Variants in SMYD5 observed in about 807,000 individuals in gnomAD.
SMYD5 encodes the protein protein-lysine N-trimethyltransferase SMYD5.
In SMYD5, 35 loss-of-function variants were observed where a neutral mutation model predicts 57.4. The ratio of observed to expected loss-of-function variants is 0.61; its 90% CI spans 0.47 to 0.81. The LOEUF (loss-of-function observed/expected upper bound fraction) is 0.81. Among genes scored for constraint, SMYD5 ranks in the 30% least tolerant of loss-of-function variants. The pLI is 0.00. For missense variants in SMYD5, 471 were observed against 527.9 expected (o/e 0.89, Z 1.06); for synonymous variants, 198 against 189.7 (o/e 1.04, Z -0.36).
intron 1 of SMYD5, among the ~76,000 whole-genome samples, chr2:73,217,870 C>G (rs1686318156): frequency 6.6e-6 from 1 of 152,192 alleles, no homozygotes; most frequent in South Asian, 2.1e-4. Context: ...CTGAAGCCAT[C>G]TGCTGAGTCC....
intron 1 of SMYD5, among the ~76,000 whole-genome samples, chr2:73,215,611 G>C (rs1292964744): frequency 6.6e-6 from 1 of 152,204 alleles, no homozygotes; most frequent in Non-Finnish European, 1.5e-5. Flanking sequence ...TTGGTTTGCA[G>C]TGATATTCTT....
Position 73,221,786 on chromosome 2 carries a change from G to A in SMYD5, c.538-40G>A, listed in dbSNP as rs374525287. ...AGTGGGCGGGAGTGCCAGTGAGAAG[G>A]TGGGTATCTGTGACCCTTAAGTATG... On this transcript the variant is annotated intron_variant, in intron 5 of 12. Coordinates refer to ENST00000389501, the MANE Select transcript of SMYD5 (RefSeq NM_006062.3). 7.2e-5 allele frequency: 101 copies of A among 1,396,512 alleles called. No homozygotes were observed. In the Middle Eastern group the frequency reaches 1.4e-3, roughly 20 times the overall value. The allele number at this position is 1,396,512 out of a possible 1,614,324, so 86.5% of individuals were successfully genotyped here. A position where few individuals can be genotyped will look rare whatever the true frequency, so the allele number is the denominator to read the frequency against.
intron 5 of SMYD5, 54 bp downstream of exon 5, chr2:73,221,288 G>A: frequency 6.9e-7 from 1 of 1,451,456 alleles, no homozygotes; most frequent in East Asian, 2.3e-5. Context: ...TTCAACCCTT[G>A]GTCTCAGTCT....
rs531180367 is a variant in SMYD5 at position 73,223,104 on chromosome 2, C to G, written c.774C>G (p.Thr258=). The G allele has an allele frequency of 1.9e-6, 3 of 1,613,496 alleles. No homozygotes were observed. Among genetic ancestry groups the G allele is most frequent in the East Asian group, 4.5e-5 (2 of 44,882 alleles). The change falls in exon 8 of 13, where the codon ACC becomes ACG. Residue 258 remains threonine (T), a splice_region_variant and synonymous_variant. Transcript: ENST00000389501. ...LVGTNGQGIG[T]SSLSQWVHAC... is the part of the protein sequence containing the mutation. The stretch of plus-strand genomic sequence containing the variant: ...GGACCAATGGCCAAGGAATCGGGAC[C>G]AGGTTAGAATGTTCCAGAGCTATTG...
At chr2:73,218,692 C>T (rs576325957) in intron 1 of SMYD5, among the ~76,000 whole-genome samples, 169 bp from the exon 2 acceptor site, 1 of 152,324 alleles carries the variant, frequency 6.6e-6, no homozygotes, top group African/African-American at 2.4e-5. Context: ...GCTGTATTTC[C>T]AGAGGAGAAA....
At chr2:73,225,532 A>C in intron 11 of SMYD5, 99 bp from the exon 12 acceptor site, 32 of 1,119,004 alleles carry the variant, frequency 2.9e-5, no homozygotes, top group Non-Finnish European at 3.3e-5. Context: ...CTTGGCTCCT[A>C]GAGATGGGGC....
chr2:73,223,378 G>A, intron 8 of SMYD5, 48 bp from the exon 9 acceptor site: 2 of 1,295,978 alleles, frequency 1.5e-6, no homozygotes, highest in Non-Finnish European at 2.2e-6. Context: ...AGAGCCCTGT[G>A]ACCTGGGCTT....
rs776045037 is a variant in SMYD5 at position 73,223,107 on chromosome 2, G to A, written c.776+1G>A. 2 of 1,613,238 alleles carry A rather than the reference G, an allele frequency of 1.2e-6. No individual in the cohort carries two copies. Among genetic ancestry groups the A allele is most frequent in the African/African-American group, 1.3e-5 (1 of 75,040 alleles). On this transcript the variant is annotated splice_donor_variant, in intron 8 of 12. Coordinates refer to ENST00000389501, the MANE Select transcript of SMYD5 (RefSeq NM_006062.3). LOFTEE classifies it high-confidence loss of function. ...CCAATGGCCAAGGAATCGGGACCAG[G>A]TTAGAATGTTCCAGAGCTATTGAAG... is the stretch of plus-strand genomic sequence containing the variant.
Position 73,226,655 on chromosome 2 carries a change from G to A in SMYD5, c.*709G>A. On this transcript the variant is annotated 3_prime_UTR_variant, in exon 13 of 13. Transcript: ENST00000389501. The stretch of plus-strand genomic sequence containing the variant: ...GGCTGGCCTTATGGAGTATGGAAAA[G>A]GCCTCTGCCTTCCTCAGGAGGGACA... The A allele has an allele frequency of 6.5e-6, 1 of 152,900 alleles. No homozygotes were observed. Among genetic ancestry groups the A allele is most frequent in the Non-Finnish European group, 1.5e-5 (1 of 68,224 alleles). 9.5% of individuals were successfully genotyped at this position (152,900 alleles called of 1,614,324 possible). A position where few individuals can be genotyped will look rare whatever the true frequency, so the allele number is the denominator to read the frequency against.
intron 1 of SMYD5, 149 bp downstream of exon 1, chr2:73,214,511 T>G (rs981146627): frequency 2.0e-6 from 3 of 1,486,656 alleles, no homozygotes; most frequent in African/African-American, 2.8e-5. Context: ...GCTCCCAGTC[T>G]GTCCCTGCGC....
At chr2:73,215,149 G>C (rs900481889) in intron 1 of SMYD5, among the ~76,000 whole-genome samples, 1 of 152,106 alleles carries the variant, frequency 6.6e-6, no homozygotes, top group Non-Finnish European at 1.5e-5. Flanking sequence ...CTTTATTGTT[G>C]TATGGTATTT....
Position 73,221,927 on chromosome 2 carries a change from C to T in SMYD5, c.639C>T (p.Phe213=). ...EIVHKLLGDK[F]KGQLELLRRL... ...TCCATAAACTTCTGGGAGACAAATT[C>T]AAGGTTATTATTCTCCCGTGGCCTG... The change falls in exon 6 of 13, where the codon TTC becomes TTT. Residue 213 remains phenylalanine, a synonymous_variant. Coordinates refer to ENST00000389501, the MANE Select transcript of SMYD5 (RefSeq NM_006062.3). The T allele has an allele frequency of 6.3e-7, 1 of 1,594,478 alleles. No individual in the cohort carries two copies. The highest frequency in any genetic ancestry group is 8.6e-7 in the Non-Finnish European group (1 of 1,162,114).
rs750328904 is a variant in SMYD5 at position 73,224,927 on chromosome 2, T to C, written c.1002T>C (p.His334=). The change falls in exon 11 of 13, where the codon CAT becomes CAC. Residue 334 remains histidine, a synonymous_variant. Transcript: ENST00000389501. ...TTCCAGAAAACAACTTCCTTTTGCA[T>C]GTCACTGCTCTGGAGGATATTAAGC... The part of the protein sequence containing the change: ...TSFPENNFLL[H]VTALEDIKPG... 28 of 1,613,954 alleles carry C rather than the reference T, an allele frequency of 1.7e-5. No homozygotes were observed. Among genetic ancestry groups the C allele is most frequent in the Non-Finnish European group, 2.4e-5 (28 of 1,179,964 alleles).
In SMYD5 at chr2:73,222,833, G is replaced by A; in HGVS notation, c.705+16G>A. ...AGTCAGCCAGGTGAGTGAGGAGAGGGTGGGACCAGTGGCCTCCTTGTTACT... is the reference window on the plus strand; with the variant it reads ...AGTCAGCCAGGTGAGTGAGGAGAGGATGGGACCAGTGGCCTCCTTGTTACT... On this transcript the variant is annotated intron_variant, in intron 7 of 12. Coordinates refer to ENST00000389501, the MANE Select transcript of SMYD5 (RefSeq NM_006062.3). 1 of 1,611,664 alleles carries A rather than the reference G, an allele frequency of 6.2e-7. No individual in the cohort carries two copies. Among genetic ancestry groups the A allele is most frequent in the Non-Finnish European group, 8.5e-7 (1 of 1,177,878 alleles).
At chr2:73,223,341 T>C in intron 8 of SMYD5, 85 bp from the exon 9 acceptor site, 5 of 983,516 alleles carry the variant, frequency 5.1e-6, no homozygotes, top group Non-Finnish European at 8.1e-6. Flanking sequence ...AGACCCTTCT[T>C]CCTGGGCTTA....
Position 73,223,937 on chromosome 2 carries a change from T to C in SMYD5, c.884-10T>C, listed in dbSNP as rs755834936. On this transcript the variant is annotated splice_polypyrimidine_tract_variant and intron_variant, in intron 9 of 12. Transcript: ENST00000389501. ...GGGTAGAATAATGTGTGTGTATTAC[T>C]GTCTTACAGCAACTGGAGAGTTTCT... The C allele has an allele frequency of 9.9e-6, 16 of 1,613,282 alleles. No individual in the cohort carries two copies. Among genetic ancestry groups the C allele is most frequent in the African/African-American group, 1.3e-5 (1 of 74,930 alleles).
Position 73,226,025 on chromosome 2 carries a change from G to A in SMYD5, c.*79G>A. ...CTTCCCCCAGAGAAGTGGCTTGGAG[G>A]GAACTTCCCACTCCCATTGCCTGCT... On this transcript the variant is annotated 3_prime_UTR_variant, in exon 13 of 13. Coordinates refer to ENST00000389501, the MANE Select transcript of SMYD5 (RefSeq NM_006062.3). The A allele has an allele frequency of 6.7e-7, 1 of 1,499,340 alleles. No individual in the cohort carries two copies. The highest frequency in any genetic ancestry group is 1.3e-5 in the South Asian group (1 of 75,252). 92.9% of individuals were successfully genotyped at this position (1,499,340 alleles called of 1,614,324 possible). A position where few individuals can be genotyped will look rare whatever the true frequency, so the allele number is the denominator to read the frequency against.
rs2303903 is a variant in SMYD5, at chr2:73,220,705, A to G, written c.390A>G (p.Gln130=). Residue 130 remains glutamine, a synonymous_variant, in exon 4 of 13, where the codon CAA becomes CAG. Transcript: ENST00000389501. ...SAECRLAATE[Q]YHQVLCPGPS... ...AATGTCGGTTGGCAGCCACTGAGCA[A>G]TACCACCAGGTCCTGTGCCCAGGCC... 1,525 of 1,614,052 alleles carry G rather than the reference A, an allele frequency of 9.4e-4. 15 individuals are homozygous for G. In the East Asian group the frequency reaches 0.029, roughly 31 times the overall value.
At chr2:73,224,784 A>G in intron 10 of SMYD5, 82 bp from the exon 11 acceptor site, 3 of 1,108,358 alleles carry the variant, frequency 2.7e-6, no homozygotes, top group South Asian at 1.4e-5. Context: ...TGAACGAGCA[A>G]GAAAGGACCC....
Sources: allele counts gnomAD v4.1 joint callset (sites outside exome capture counted in the v4.1 genomes callset), GRCh38; gene constraint gnomAD v4.1.1; transcripts MANE v1.5; gene names NCBI Gene and HGNC (gene_info 2026-07-23, HGNC 2026-07-21).